The following ZNF496 variants were observed in gnomAD, a reference collection of about 807,000 sequenced individuals.
ZNF496 encodes NSD1 (nuclear receptor binding SET-domain containing 1)-interacting zinc finger protein 1.
Under a neutral mutation model 58.9 loss-of-function variants are expected in ZNF496, and 11 were observed. The observed-to-expected ratio is 0.19, with a 90% CI of 0.12 to 0.31. The LOEUF (loss-of-function observed/expected upper bound fraction) is 0.31. Among genes scored for constraint, ZNF496 ranks in the 10% least tolerant of loss-of-function variants. ZNF496 has a pLI of 1.00. For missense variants in ZNF496, 660 were observed against 783.0 expected, an observed-to-expected ratio of 0.84 and a Z score of 1.88; for synonymous variants, 338 against 318.2, an observed-to-expected ratio of 1.06 and a Z score of -0.66.
intron 9 of ZNF496, among the ~76,000 whole-genome samples, chr1:247,302,238 G>A (rs1283197453): frequency 6.6e-6 from 1 of 152,072 alleles, no homozygotes; most frequent in East Asian, 1.9e-4. Flanking sequence ...GGGGAGGAGA[G>A]CCCTGGCTAG....
intron 5 of ZNF496, 79 bp from the exon 6 acceptor site, chr1:247,323,309 C>T (rs1263525831): frequency 3.0e-6 from 3 of 999,858 alleles, no homozygotes; most frequent in African/African-American, 3.2e-5. Context: ...CTTCCTGCGG[C>T]TCTTCATTTC....
chr1:247,316,578 C>T (rs895275787), intron 6 of ZNF496, among the ~76,000 whole-genome samples: 2 of 152,150 alleles, frequency 1.3e-5, no homozygotes, highest in African/African-American at 4.8e-5. Flanking sequence ...CCAGCACGAA[C>T]GCTCTCACCA....
chr1:247,329,420 C>A lies in ZNF496; in HGVS notation c.159G>T (p.Ala53=). 2 of 1,613,162 alleles carry A rather than the reference C, an allele frequency of 1.2e-6. No individual in the cohort carries two copies. Among genetic ancestry groups the A allele is most frequent in the Non-Finnish European group, 8.5e-7 (1 of 1,179,710 alleles). The part of the protein sequence containing the change: ...RLFRRFRYQE[A]AGPREALQRL... Reference sequence around the variant, plus strand: ...GCTGCAGGGCCTCCCGGGGGCCCGCCGCCTCCTGGTAGCGGAAACGGCGGA... The same window carrying A: ...GCTGCAGGGCCTCCCGGGGGCCCGCAGCCTCCTGGTAGCGGAAACGGCGGA... Residue 53 remains alanine, a synonymous_variant, in exon 4 of 10, where the codon GCG becomes GCT. Coordinates refer to ENST00000682384, the MANE Select transcript of ZNF496 (RefSeq NM_032752.3). This position sits in a 1 kb window ranked among gnomAD's most constrained non-coding sequence, Gnocchi z 5.5.
rs1660342398 is a variant in ZNF496, at chr1:247,331,863, G to A, written c.-443C>T. 1 of 149,824 alleles carries A rather than the reference G, an allele frequency of 6.7e-6. No individual in the cohort carries two copies. Among genetic ancestry groups the A allele is most frequent in the Non-Finnish European group, 1.5e-5 (1 of 67,234 alleles). 9.3% of individuals were successfully genotyped at this position (149,824 alleles called of 1,614,324 possible). A position where few individuals can be genotyped will look rare whatever the true frequency, so the allele number is the denominator to read the frequency against. ...GGAGCCCGCCGGACGCCGAGGAAAG[G>A]AAAGGCCGGAGCCCTCCGGCTCCCT... On this transcript the variant is annotated 5_prime_UTR_variant, in exon 1 of 10. Transcript: ENST00000682384.
rs967318432 is a variant in ZNF496, at chr1:247,310,311, A to T, written c.784+13T>A. The T allele has an allele frequency of 2.5e-6, 4 of 1,613,928 alleles. No homozygotes were observed. The highest frequency in any genetic ancestry group is 3.4e-6 in the Non-Finnish European group (4 of 1,180,026). Reference sequence around the variant, plus strand: ...TCCCTGGTCTTGAGGTGTGGGGGGAAGTTAAGTCTTACTTGGAGGCATTGA... The same window carrying T: ...TCCCTGGTCTTGAGGTGTGGGGGGATGTTAAGTCTTACTTGGAGGCATTGA... On this transcript the variant is annotated intron_variant, in intron 7 of 9. Transcript: ENST00000682384.
chr1:247,307,477 G>A lies in ZNF496; in HGVS notation c.1006+998C>T, dbSNP rs568325349. On this transcript the variant is annotated intron_variant, in intron 9 of 9. Coordinates refer to ENST00000682384, the MANE Select transcript of ZNF496 (RefSeq NM_032752.3). ...AAAGAAGCTAGAGAAGATTCAAAGT[G>A]CACCACAAACATCAGGCCTGCGCTT... is the stretch of plus-strand genomic sequence containing the variant. 26 of 985,424 alleles carry A rather than the reference G, an allele frequency of 2.6e-5. No homozygotes were observed. In the South Asian group the frequency reaches 1.1e-3, roughly 41 times the overall value. The allele number at this position is 985,424 out of a possible 1,614,324, so 61.0% of individuals were successfully genotyped here.
intron 6 of ZNF496, among the ~76,000 whole-genome samples, chr1:247,321,713 T>TG (rs199926763): frequency 6.6e-6 from 1 of 152,346 alleles, no homozygotes; most frequent in East Asian, 1.9e-4. Flanking sequence ...AATTGAAAGA[T>TG]GAAGACCAAA....
chr1:247,301,054 T>C lies in ZNF496; in HGVS notation c.1229A>G (p.Asn410Ser). 1.2e-6 allele frequency: 2 copies of C among 1,613,722 alleles called. No homozygotes were observed. Among genetic ancestry groups the C allele is most frequent in the Non-Finnish European group, 1.7e-6 (2 of 1,180,026 alleles). Residue 410 changes from asparagine to serine, a missense_variant, in exon 10 of 10, where the codon AAC (asparagine) becomes AGC (serine). By Grantham distance (46) the Asn-to-Ser change is conservative. Transcript: ENST00000682384. Reference protein sequence around the residue: ...QTSKKSYVCPNCGKIFRWRVN... With the variant: ...QTSKKSYVCPSCGKIFRWRVN... Reference sequence around the variant, plus strand: ...CCTCCAGCGGAAGATTTTCCCACAGTTCGGACACACGTAGGACTTCTTGGA... The same window carrying C: ...CCTCCAGCGGAAGATTTTCCCACAGCTCGGACACACGTAGGACTTCTTGGA...
chr1:247,315,171 T>C (rs1334608321), intron 6 of ZNF496, among the ~76,000 whole-genome samples: 5 of 150,114 alleles, frequency 3.3e-5, no homozygotes, highest in Admixed American at 1.3e-4. Context: ...AAAAAACACC[T>C]ATGGAATAAT....
intron 9 of ZNF496, among the ~76,000 whole-genome samples, chr1:247,302,071 G>A (rs575640984): frequency 3.6e-4 from 55 of 152,176 alleles, no homozygotes; most frequent in African/African-American, 1.1e-3. Flanking sequence ...TGCAGAGCCC[G>A]GCCTGAGGTC....
At chr1:247,310,022 G>C in intron 7 of ZNF496, 1 of 1,414,314 alleles carries the variant, frequency 7.1e-7, no homozygotes, top group Non-Finnish European at 9.2e-7. Context: ...GCTTTCGGGT[G>C]TAAAGCAGAC....
intron 4 of ZNF496, 118 bp from the exon 5 acceptor site, chr1:247,328,984 G>T: frequency 7.1e-7 from 1 of 1,407,334 alleles, no homozygotes; most frequent in Non-Finnish European, 9.6e-7. Context: ...CTTGGACTGG[G>T]CTGTAAAGGG....
chr1:247,318,644 T>C (rs1017346861), intron 6 of ZNF496, among the ~76,000 whole-genome samples: 3 of 152,186 alleles, frequency 2.0e-5, no homozygotes, highest in African/African-American at 4.8e-5. Context: ...GGTGAAAACA[T>C]CCTTCAGGAA....
At chr1:247,302,990 TTA>T (rs1368239065) in intron 9 of ZNF496, among the ~76,000 whole-genome samples, 1 of 152,114 alleles carries the variant, frequency 6.6e-6, no homozygotes, top group Non-Finnish European at 1.5e-5. Flanking sequence ...GGAGATGGAA[TTA>T]TGAGAGCAGA....
chr1:247,307,830 A>G, intron 9 of ZNF496: 1 of 985,416 alleles, frequency 1.0e-6, no homozygotes, highest in Non-Finnish European at 1.2e-6. Context: ...TGAGAAGAGA[A>G]AGATGGCAGT....
At chr1:247,310,658 G>A in intron 6 of ZNF496, 1 of 597,414 alleles carries the variant, frequency 1.7e-6, no homozygotes, top group Non-Finnish European at 2.9e-6. Context: ...CCACTTCTTG[G>A]TCAAAAGACA....
chr1:247,316,264 A>C (rs1475351496), intron 6 of ZNF496, among the ~76,000 whole-genome samples: 2 of 151,472 alleles, frequency 1.3e-5, no homozygotes, highest in Non-Finnish European at 2.9e-5. Context: ...GTCCCGAGGG[A>C]AAAACTGAGA....
At position 247,309,332 on chromosome 1, in the gene ZNF496, G is replaced by A. The variant is rs1572076623; in HGVS notation, c.892+367C>T. ...TGAGGCACCTCAAAGGGCTGCGCTC[G>A]GTGCCCAGTTAGGAGACACTCCCTC... On this transcript the variant is annotated intron_variant, in intron 8 of 9. Transcript: ENST00000682384. This position sits in a 1 kb window ranked among gnomAD's most constrained non-coding sequence, Gnocchi z 4.3. 4 of 1,033,628 alleles carry A rather than the reference G, an allele frequency of 3.9e-6. No homozygotes were observed. Among genetic ancestry groups the A allele is most frequent in the Non-Finnish European group, 4.7e-6 (4 of 848,864 alleles). The allele number at this position is 1,033,628 out of a possible 1,614,324, so 64.0% of individuals were successfully genotyped here. A position where few individuals can be genotyped will look rare whatever the true frequency, so the allele number is the denominator to read the frequency against.
intron 6 of ZNF496, chr1:247,311,838 TCTTGGGCTGGAA>T (rs1349630553): frequency 6.6e-6 from 1 of 152,244 alleles, no homozygotes; most frequent in East Asian, 1.9e-4. Flanking sequence ...CCCAAGGCTC[TCTTGGGCTGGAA>T]CTTCGCTGAT....
Sources: allele counts gnomAD v4.1 joint callset (sites outside exome capture counted in the v4.1 genomes callset), GRCh38; gene constraint gnomAD v4.1.1; non-coding constraint Gnocchi (gnomAD v3.1); transcripts MANE v1.5; gene names NCBI Gene and HGNC (gene_info 2026-07-23, HGNC 2026-07-21).